Variants in NAP1L4 observed in about 807,000 individuals in gnomAD.
NAP1L4 encodes nucleosome assembly protein 1 like 4, also known as nucleosome assembly protein 1-like 4.
In NAP1L4, 15 loss-of-function variants were observed where a neutral mutation model predicts 58.2. The ratio of observed to expected loss-of-function variants is 0.26; its 90% CI spans 0.17 to 0.40. The LOEUF is 0.40. NAP1L4 is among the 10% of genes least tolerant of loss of function. The pLI is 1.00. For synonymous variants in NAP1L4, 171 were observed against 155.6 expected, an observed-to-expected ratio of 1.10 and a Z score of -0.74; for missense variants, 384 against 451.1, an observed-to-expected ratio of 0.85 and a Z score of 1.35.
At chr11:2,987,657 T>C (rs1439800300) in intron 1 of NAP1L4, among the ~76,000 whole-genome samples, 1 of 143,156 alleles carries the variant, frequency 7.0e-6, no homozygotes, top group African/African-American at 2.8e-5. Flanking sequence ...CTTGGGAGGC[T>C]GAGACAGGAG....
rs750899767 is a variant in NAP1L4, at chr11:2,949,414, T to C, written c.1123-150A>G. Reference sequence around the variant, plus strand: ...GGTGAACAACTTCAACACTAGATCATACTTTCAAAATGGGCAGAAGCATGA... The same window carrying C: ...GGTGAACAACTTCAACACTAGATCACACTTTCAAAATGGGCAGAAGCATGA... On this transcript the variant is annotated intron_variant, in intron 14 of 15. Transcript: ENST00000380542. This position sits in a 1 kb window ranked among gnomAD's most constrained non-coding sequence, Gnocchi z 4.0. 2.2e-5 allele frequency: 15 copies of C among 683,910 alleles called. No individual in the cohort carries two copies. Among genetic ancestry groups the C allele is most frequent in the South Asian group, 1.7e-4 (10 of 59,588 alleles). 42.4% of individuals were successfully genotyped at this position (683,910 alleles called of 1,614,324 possible).
intron 1 of NAP1L4, chr11:2,981,819 C>T (rs1590268781): frequency 6.5e-6 from 1 of 153,142 alleles, no homozygotes; most frequent in Non-Finnish European, 1.5e-5. Flanking sequence ...AAGAGCAAAA[C>T]TCCGTCTCAA....
At chr11:2,968,497 T>C (rs2133961691) in intron 7 of NAP1L4, among the ~76,000 whole-genome samples, 1 of 152,310 alleles carries the variant, frequency 6.6e-6, no homozygotes, top group East Asian at 1.9e-4. Flanking sequence ...TTAGATGCTT[T>C]CTGGTCTGGA....
chr11:2,990,896 TAGAA>T (rs750206178), intron 1 of NAP1L4: 12 of 333,196 alleles, frequency 3.6e-5, no homozygotes, highest in Admixed American at 7.7e-5. Flanking sequence ...GGTAGTAACT[TAGAA>T]AGACTTACCT....
At chr11:2,981,137 C>T (rs1317672008) in intron 1 of NAP1L4, among the ~76,000 whole-genome samples, 1 of 151,752 alleles carries the variant, frequency 6.6e-6, no homozygotes, top group Non-Finnish European at 1.5e-5. Context: ...ACTCAGGAGG[C>T]TGAGGCAGGA....
chr11:2,954,789 T>G lies in NAP1L4; in HGVS notation c.916-143A>C. 1 of 1,061,236 alleles carries G rather than the reference T, an allele frequency of 9.4e-7. No individual in the cohort carries two copies. The highest frequency in any genetic ancestry group is 1.4e-6 in the Non-Finnish European group (1 of 709,916). 65.7% of individuals were successfully genotyped at this position (1,061,236 alleles called of 1,614,324 possible). A position where few individuals can be genotyped will look rare whatever the true frequency, so the allele number is the denominator to read the frequency against. Reference sequence around the variant, plus strand: ...TCCTGCACTGCTGGGGGACAGCCACTAGACACTCAAAGCCCCTTTAAAACA... The same window carrying G: ...TCCTGCACTGCTGGGGGACAGCCACGAGACACTCAAAGCCCCTTTAAAACA... On this transcript the variant is annotated intron_variant, in intron 11 of 15. Transcript: ENST00000380542. The surrounding 1 kb of genome is among the most constrained non-coding windows in gnomAD (Gnocchi z 4.8).
chr11:2,984,115 T>G (rs1848484799), intron 1 of NAP1L4, among the ~76,000 whole-genome samples: 1 of 139,554 alleles, frequency 7.2e-6, no homozygotes, highest in South Asian at 2.2e-4. Context: ...TGCAGTGAGC[T>G]ATCACTGCGC....
Position 2,945,495 on chromosome 11 carries a change from C to T in NAP1L4, c.*184G>A. ...AAAGTGAAAATCATGCACTTGAAAA[C>T]GAGTTAGATGGAGTAAGCTCTGTCC... On this transcript the variant is annotated 3_prime_UTR_variant, in exon 16 of 16. Transcript: ENST00000380542. 2 of 881,140 alleles carry T rather than the reference C, an allele frequency of 2.3e-6. No homozygotes were observed. The highest frequency in any genetic ancestry group is 2.9e-5 in the East Asian group (1 of 34,838). The allele number at this position is 881,140 out of a possible 1,614,324, so 54.6% of individuals were successfully genotyped here.
chr11:2,950,238 G>A (rs1242196248), intron 14 of NAP1L4, among the ~76,000 whole-genome samples: 1 of 152,226 alleles, frequency 6.6e-6, no homozygotes, highest in Non-Finnish European at 1.5e-5. Context: ...CCAAACTTTA[G>A]AAGATGAACA....
chr11:2,985,774 T>C (rs1848581380), intron 1 of NAP1L4, among the ~76,000 whole-genome samples: 1 of 152,230 alleles, frequency 6.6e-6, no homozygotes, highest in Non-Finnish European at 1.5e-5. Flanking sequence ...GTAAGTTTTC[T>C]AAAGTTCAGG....
At chr11:2,964,451 C>CA (rs1300949402) in intron 8 of NAP1L4, among the ~76,000 whole-genome samples, 1 of 152,194 alleles carries the variant, frequency 6.6e-6, no homozygotes, top group Non-Finnish European at 1.5e-5. Flanking sequence ...CTCACGACTA[C>CA]AGTGCCAAGC....
Position 2,951,220 on chromosome 11 carries a change from G to A in NAP1L4, c.1122+39C>T. 1 of 1,540,790 alleles carries A rather than the reference G, an allele frequency of 6.5e-7. No homozygotes were observed. The highest frequency in any genetic ancestry group is 1.4e-5 in the African/African-American group (1 of 73,462). On this transcript the variant is annotated intron_variant, in intron 14 of 15. Transcript: ENST00000380542. The surrounding 1 kb of genome is among the most constrained non-coding windows in gnomAD (Gnocchi z 4.0). ...ACATTTTTAAAAGTCTAAGAGTGCAGCATAATAAGTAGGTCTGGGTGGCCC... is the reference window on the plus strand; with the variant it reads ...ACATTTTTAAAAGTCTAAGAGTGCAACATAATAAGTAGGTCTGGGTGGCCC...
intron 6 of NAP1L4, 55 bp from the exon 7 acceptor site, chr11:2,969,989 C>G (rs2071110): frequency 0.32 from 489,154 of 1,550,940 alleles, 83,939 homozygotes; most frequent in East Asian, 0.69. Flanking sequence ...AACAATGCAG[C>G]GGCTTCACGT....
At chr11:2,991,980 G>C (rs1323137993) in intron 1 of NAP1L4, 1 of 152,170 alleles carries the variant, frequency 6.6e-6, no homozygotes, top group South Asian at 2.1e-4. Context: ...TTGACCTTCA[G>C]TGAGGCGGGC....
intron 1 of NAP1L4, among the ~76,000 whole-genome samples, chr11:2,980,933 A>C (rs1848263410): frequency 8.2e-6 from 1 of 122,406 alleles, no homozygotes; most frequent in African/African-American, 4.1e-5. Flanking sequence ...AAAACCAAAA[A>C]GAAAAAAAAA....
In NAP1L4 at chr11:2,955,344, T is replaced by A. The variant is rs1324223526; in HGVS notation, c.915+400A>T. On this transcript the variant is annotated intron_variant, in intron 11 of 15. Coordinates refer to ENST00000380542, the MANE Select transcript of NAP1L4 (RefSeq NM_005969.4). The surrounding 1 kb of genome is among the most constrained non-coding windows in gnomAD (Gnocchi z 4.2). Reference sequence around the variant, plus strand: ...CCTGAGTAGCTGAGATTACAGGCGCTGCCACCGTGTCCAACTAATTTTTTT... The same window carrying A: ...CCTGAGTAGCTGAGATTACAGGCGCAGCCACCGTGTCCAACTAATTTTTTT... 6.6e-6 allele frequency among the ~76,000 whole-genome samples: 1 copy of A among 151,580 alleles called. No homozygotes were observed. The highest frequency in any genetic ancestry group is 1.9e-4 in the East Asian group (1 of 5,184).
chr11:2,967,409 G>A (rs950523025), intron 7 of NAP1L4, among the ~76,000 whole-genome samples: 6 of 152,086 alleles, frequency 3.9e-5, no homozygotes, highest in Admixed American at 1.3e-4. Context: ...TCAGCAGATC[G>A]AGACCATCCT....
rs1482988332 is a variant in NAP1L4, at chr11:2,946,197, C to A, written c.*33-551G>T. Among the ~76,000 whole-genome samples, 1 of 152,176 alleles carries A rather than the reference C, an allele frequency of 6.6e-6. No homozygotes were observed. The highest frequency in any genetic ancestry group is 1.5e-5 in the Non-Finnish European group (1 of 68,032). On this transcript the variant is annotated intron_variant, in intron 15 of 15. Coordinates refer to ENST00000380542, the MANE Select transcript of NAP1L4 (RefSeq NM_005969.4). The surrounding 1 kb of genome is among the most constrained non-coding windows in gnomAD (Gnocchi z 4.8). ...CGGCAGATCCATCCTCTTCTGGTGG[C>A]CTGTACTGCACCAACAAATGATGAG...
rs995168693 is a variant in NAP1L4, at chr11:2,946,724, G to A, written c.*33-1078C>T. ...AACAAAATCAATAACCTTGAACCCT[G>A]GTGTCTAAGCTCCCAATCTCAGCCA... On this transcript the variant is annotated intron_variant, in intron 15 of 15. Coordinates refer to ENST00000380542, the MANE Select transcript of NAP1L4 (RefSeq NM_005969.4). The surrounding 1 kb of genome is among the most constrained non-coding windows in gnomAD (Gnocchi z 4.8). 6.6e-6 allele frequency among the ~76,000 whole-genome samples: 1 copy of A among 152,178 alleles called. No individual in the cohort carries two copies. Among genetic ancestry groups the A allele is most frequent in the Non-Finnish European group, 1.5e-5 (1 of 68,038 alleles).
Sources: gnomAD v4.1 joint callset for allele counts (sites outside exome capture counted in the v4.1 genomes callset) on GRCh38, gnomAD v4.1.1 for gene constraint, Gnocchi (gnomAD v3.1) non-coding constraint, MANE v1.5 for transcripts, NCBI Gene and HGNC (gene_info 2026-07-23, HGNC 2026-07-21) for gene names.